RABGEF1: variants seen among roughly 807,000 people sequenced by gnomAD.
The protein encoded by RABGEF1 is RAB guanine nucleotide exchange factor 1.
RABGEF1 carries 26 observed loss-of-function variants against 57.3 expected under a neutral mutation model. The ratio of observed to expected loss-of-function variants is 0.45; its 90% CI spans 0.33 to 0.63. The LOEUF is 0.63. Ranked by LOEUF, RABGEF1 falls within the 20% of genes least tolerant of loss-of-function variation. RABGEF1 has a pLI of 0.02. For synonymous variants in RABGEF1, 185 were observed against 210.7 expected (o/e 0.88, Z 1.06); for missense variants, 464 against 607.6 (o/e 0.76, Z 2.48).
chr7:66,740,872 G>C (rs551721301), intron 1 of RABGEF1, 80 bp downstream of exon 1: 1 of 152,238 alleles, frequency 6.6e-6, no homozygotes, highest in African/African-American at 2.4e-5. Flanking sequence ...CTCGGGCTGG[G>C]GGTGGCAGGG....
chr7:66,683,708 C>T (rs1251816745), intron 1 of RABGEF1, among the ~76,000 whole-genome samples: 2 of 149,858 alleles, frequency 1.3e-5, no homozygotes, highest in Non-Finnish European at 3.0e-5. Flanking sequence ...GAGGGGAGGC[C>T]AGTAACTACA....
chr7:66,680,436 G>T (rs1649813818), upstream of RABGEF1, among the ~76,000 whole-genome samples: 1 of 151,686 alleles, frequency 6.6e-6, no homozygotes, highest in Admixed American at 6.6e-5. Context: ...TAGAGACAGG[G>T]TTTCTCTCTG....
intron 1 of RABGEF1, among the ~76,000 whole-genome samples, chr7:66,745,019 C>T (rs1031674719): frequency 2.0e-5 from 3 of 151,610 alleles, no homozygotes; most frequent in South Asian, 2.1e-4. Context: ...GGTAAAACCC[C>T]ATCTCTAATA....
In RABGEF1 at chr7:66,692,282, G is replaced by A. The variant is rs192058340; in HGVS notation, c.-873+10024G>A. Among the ~76,000 whole-genome samples, 634 of 152,272 alleles carry A rather than the reference G, an allele frequency of 4.2e-3. 4 individuals are homozygous for A. Among genetic ancestry groups the A allele is most frequent in the African/African-American group, 0.014 (576 of 41,546 alleles). ...GGCACTGGGCCTCTGCTGCTCATTA[G>A]CGGACCCTTTCTTTGTTGGCTTTTT... On this transcript the variant is annotated intron_variant and NMD_transcript_variant, in intron 1 of 9. Transcript: ENST00000607882.
chr7:66,765,164 G>A (rs1331142458), intron 1 of RABGEF1, among the ~76,000 whole-genome samples: 1 of 151,400 alleles, frequency 6.6e-6, no homozygotes, highest in Non-Finnish European at 1.5e-5. Context: ...AATGATAGGA[G>A]CAGAGAGGTT....
At chr7:66,793,046 A>C (rs988268198) in intron 4 of RABGEF1, among the ~76,000 whole-genome samples, 1 of 152,184 alleles carries the variant, frequency 6.6e-6, no homozygotes, top group Non-Finnish European at 1.5e-5. Context: ...GTAAAATTAC[A>C]GGGGTTGTGC....
At chr7:66,674,524 C>T in the RABGEF1 span, among the ~76,000 whole-genome samples, 1 of 152,080 alleles carries the variant, frequency 6.6e-6, no homozygotes, top group Non-Finnish European at 1.5e-5. Context: ...CCCAGCTTTA[C>T]TCATAATAGC....
At chr7:66,748,868 C>T in intron 1 of RABGEF1, 1 of 237,626 alleles carries the variant, frequency 4.2e-6, no homozygotes, top group Non-Finnish European at 9.1e-6. Context: ...TGCACTGTTT[C>T]AGCACCTTAT....
intron 3 of RABGEF1, among the ~76,000 whole-genome samples, 188 bp from the exon 4 acceptor site, chr7:66,783,487 T>TC (rs1367877547): frequency 6.6e-6 from 1 of 152,226 alleles, no homozygotes; most frequent in African/African-American, 2.4e-5. Context: ...TACTCATACT[T>TC]CCTACTTGTA....
Position 66,795,502 on chromosome 7 carries a change from C to G in RABGEF1, c.514-9C>G. 1 of 1,599,948 alleles carries G rather than the reference C, an allele frequency of 6.3e-7. No homozygotes were observed. Among genetic ancestry groups the G allele is most frequent in the East Asian group, 2.2e-5 (1 of 44,814 alleles). On this transcript the variant is annotated splice_polypyrimidine_tract_variant and intron_variant, in intron 4 of 8. Transcript: ENST00000284957. ...AGCTACAAGCAGCCTCTTTGTCTCT[C>G]TGTTTCAGGATCTAAGCATTGAAGA...
chr7:66,687,557 C>T (rs187056265), intron 1 of RABGEF1, among the ~76,000 whole-genome samples: 112 of 151,272 alleles, frequency 7.4e-4, no homozygotes, highest in African/African-American at 2.5e-3. Flanking sequence ...CATGTTCCTG[C>T]AGTCCAAGCT....
upstream of RABGEF1, among the ~76,000 whole-genome samples, chr7:66,679,404 G>A (rs1789535544): frequency 6.6e-6 from 1 of 152,082 alleles, no homozygotes; most frequent in Admixed American, 6.5e-5. Flanking sequence ...AACCCCCCAG[G>A]CTCATGTGAT....
intron 8 of RABGEF1, chr7:66,807,708 G>C (rs1272676539): frequency 1.3e-5 from 2 of 152,244 alleles, no homozygotes; most frequent in Non-Finnish European, 2.9e-5. Flanking sequence ...CCTAAGTGAG[G>C]AGTTAGAATC....
chr7:66,791,122 T>G (rs1447155256), intron 4 of RABGEF1, among the ~76,000 whole-genome samples: 1 of 152,242 alleles, frequency 6.6e-6, no homozygotes, highest in African/African-American at 2.4e-5. Flanking sequence ...GAAGAACATA[T>G]GCGTTCCTTA....
the RABGEF1 span, among the ~76,000 whole-genome samples, chr7:66,668,088 G>A: frequency 2.6e-5 from 4 of 151,744 alleles, no homozygotes; most frequent in South Asian, 2.1e-4. Context: ...GTCAGCCACC[G>A]CGCCTGGCCC....
chr7:66,778,415 C>G lies in RABGEF1; in HGVS notation c.346+3022C>G, dbSNP rs1809051177. ...AGACTCAGTTAAAGTGTTTTAGTCT[C>G]TACAGTCAGGGTGAGTGAGCTGTAT... On this transcript the variant is annotated intron_variant, in intron 3 of 8. Coordinates refer to ENST00000284957, the MANE Select transcript of RABGEF1 (RefSeq NM_014504.3). Among the ~76,000 whole-genome samples, 4 of 152,174 alleles carry G rather than the reference C, an allele frequency of 2.6e-5. 1 individual carries two copies. Among genetic ancestry groups the G allele is most frequent in the African/African-American group, 9.7e-5 (4 of 41,446 alleles).
chr7:66,786,813 T>C (rs1811292722), intron 4 of RABGEF1, among the ~76,000 whole-genome samples: 1 of 152,226 alleles, frequency 6.6e-6, no homozygotes, highest in African/African-American at 2.4e-5. Context: ...TGTATACTCT[T>C]ACAGTACTTC....
intron 1 of RABGEF1, among the ~76,000 whole-genome samples, chr7:66,702,043 A>G (rs1235211743): frequency 6.6e-6 from 1 of 152,168 alleles, no homozygotes; most frequent in African/African-American, 2.4e-5. Context: ...AATACCCATT[A>G]AGCTGTCACT....
chr7:66,788,377 G>A lies in RABGEF1; in HGVS notation c.513+4536G>A, dbSNP rs1179000134. Among the ~76,000 whole-genome samples, 3 of 151,810 alleles carry A rather than the reference G, an allele frequency of 2.0e-5. No individual in the cohort carries two copies. The South Asian group carries it at 6.2e-4, about 32-fold the overall frequency. On this transcript the variant is annotated intron_variant, in intron 4 of 8. Transcript: ENST00000284957. ...GAAGAATCACTTGAACCCAAAAGGT[G>A]GGGTTGCAGTGAGCTGAGATCATGC... is the stretch of plus-strand genomic sequence containing the variant.
Sources: allele counts gnomAD v4.1 joint callset (sites outside exome capture counted in the v4.1 genomes callset), GRCh38; gene constraint gnomAD v4.1.1; transcripts MANE v1.5; gene names NCBI Gene and HGNC (gene_info 2026-07-23, HGNC 2026-07-21).